DOCK7: variants seen among roughly 807,000 people sequenced by gnomAD.
DOCK7 encodes dedicator of cytokinesis protein 7.
In DOCK7, 138 loss-of-function variants were observed where a neutral mutation model predicts 271.0. The observed-to-expected ratio is 0.51, with a 90% CI of 0.44 to 0.59. The LOEUF is 0.59. DOCK7 is among the 20% of genes least tolerant of loss of function. DOCK7 has a pLI of 0.00. For missense variants in DOCK7, 2,066 were observed against 2,592.4 expected, an observed-to-expected ratio of 0.80 and a Z score of 4.41; for synonymous variants, 823 against 876.1, an observed-to-expected ratio of 0.94 and a Z score of 1.07.
chr1:62,503,087 G>C (rs1646833340), intron 37 of DOCK7, among the ~76,000 whole-genome samples: 1 of 151,962 alleles, frequency 6.6e-6, no homozygotes, highest in South Asian at 2.1e-4. Flanking sequence ...AAATTCCAAA[G>C]GAGAAAAACT....
At chr1:62,463,152 T>C (rs1399185380) in intron 48 of DOCK7, among the ~76,000 whole-genome samples, 2 of 152,076 alleles carry the variant, frequency 1.3e-5, no homozygotes, top group Non-Finnish European at 2.9e-5. Context: ...GATAAAAGAC[T>C]TGAATATGTA....
At position 62,552,860 on chromosome 1, in the gene DOCK7, C is replaced by G; in HGVS notation, c.2638G>C (p.Ala880Pro). 2 of 1,613,470 alleles carry G rather than the reference C, an allele frequency of 1.2e-6. No individual in the cohort carries two copies. Among genetic ancestry groups the G allele is most frequent in the Non-Finnish European group, 1.7e-6 (2 of 1,179,786 alleles). The change falls in exon 22 of 50, where the codon GCT becomes CCT. Residue 880 changes from alanine to proline, a missense_variant. Ala to Pro is a conservative substitution (Grantham distance 27, BLOSUM62 -1). Around this residue, in one of 2 missense-constraint regions of DOCK7, gnomAD observed 1,414 missense variants for 1,670.4 expected, o/e 0.85. Coordinates refer to ENST00000635253, the MANE Select transcript of DOCK7 (RefSeq NM_001367561.1). ...CTTGCAGGTCTCACCGCAGATCTAG[C>G]CATTGTGGCATAATGCACTGATCCT... ...LGGSVHYATM[A>P]RSAVRPASLN...
At chr1:62,653,389 C>T (rs975522713) in intron 4 of DOCK7, among the ~76,000 whole-genome samples, 3 of 152,142 alleles carry the variant, frequency 2.0e-5, no homozygotes, top group African/African-American at 7.2e-5. Context: ...TTTCACTAAA[C>T]TGGATTCTTT....
intron 40 of DOCK7, 81 bp downstream of exon 40, chr1:62,494,194 A>C: frequency 7.7e-7 from 1 of 1,305,504 alleles, no homozygotes; most frequent in Non-Finnish European, 1.0e-6. Flanking sequence ...TTATAAACTA[A>C]AAAAATCTAA....
chr1:62,577,093 C>T (rs1646962827), intron 18 of DOCK7, among the ~76,000 whole-genome samples, 169 bp downstream of exon 18: 1 of 151,974 alleles, frequency 6.6e-6, no homozygotes, highest in South Asian at 2.1e-4. Context: ...AGGATAAAAG[C>T]TTTTAAGTTT....
Position 62,555,889 on chromosome 1 carries a change from A to G in DOCK7, c.2532T>C (p.Leu844=), listed in dbSNP as rs750322469. The G allele has an allele frequency of 4.4e-5, 71 of 1,613,840 alleles. No homozygotes were observed. The highest frequency in any genetic ancestry group is 5.8e-5 in the Non-Finnish European group (69 of 1,179,940). The change falls in exon 21 of 50, where the codon CTT becomes CTC. Residue 844 remains leucine (L), a synonymous_variant. Transcript: ENST00000635253. ...AAACATAATGAATATATGATGCAAG[A>G]AGGCTGTTTCTGCCATGCTGGTCAT... ...GNHDQHGRNS[L]LASYIHYVFR... is the part of the protein sequence containing the mutation.
chr1:62,642,524 G>C (rs999690975), intron 7 of DOCK7, among the ~76,000 whole-genome samples: 6 of 151,786 alleles, frequency 4.0e-5, no homozygotes, highest in Non-Finnish European at 7.4e-5. Context: ...TTTTTTTAAT[G>C]GTTACTCAAG....
In DOCK7 at chr1:62,631,196, A is replaced by G; in HGVS notation, c.1282+44T>C. 3 of 1,516,416 alleles carry G rather than the reference A, an allele frequency of 2.0e-6. No individual in the cohort carries two copies. In the South Asian group the frequency reaches 3.9e-5, roughly 20 times the overall value. The allele number at this position is 1,516,416 out of a possible 1,614,324, so 93.9% of individuals were successfully genotyped here. ...CGAAACTCCATCTCAAAAAAAAAAG[A>G]AAAAAGTAAACATTTAGAAATGTTT... is the stretch of plus-strand genomic sequence containing the variant. On this transcript the variant is annotated intron_variant, in intron 11 of 49. Coordinates refer to ENST00000635253, the MANE Select transcript of DOCK7 (RefSeq NM_001367561.1).
intron 19 of DOCK7, 26 bp from the exon 20 acceptor site, chr1:62,559,246 C>A (rs1303605657): frequency 1.3e-6 from 2 of 1,571,636 alleles, no homozygotes; most frequent in African/African-American, 2.7e-5. Flanking sequence ...AACAAAAGCA[C>A]TAAGCACTTA....
chr1:62,544,919 A>G, intron 23 of DOCK7, 28 bp downstream of exon 23: 2 of 1,515,050 alleles, frequency 1.3e-6, no homozygotes, highest in South Asian at 1.2e-5. Context: ...TCAGCAGCCA[A>G]TAAAGAAACC....
intron 18 of DOCK7, among the ~76,000 whole-genome samples, chr1:62,564,089 C>T (rs1195774458): frequency 2.0e-5 from 3 of 152,012 alleles, no homozygotes; most frequent in Non-Finnish European, 1.5e-5. Context: ...TAGAGACCTA[C>T]AAAGACACTT....
At chr1:62,520,911 T>A (rs1467775351) in intron 31 of DOCK7, among the ~76,000 whole-genome samples, 1 of 152,242 alleles carries the variant, frequency 6.6e-6, no homozygotes, top group South Asian at 2.1e-4. Flanking sequence ...CACCATGGAA[T>A]ACTATGCAGC....
chr1:62,664,369 T>C (rs1659027211), intron 1 of DOCK7, among the ~76,000 whole-genome samples: 1 of 152,166 alleles, frequency 6.6e-6, no homozygotes, highest in Admixed American at 6.5e-5. Context: ...TGAGATCTGA[T>C]GGTTTTATAA....
intron 18 of DOCK7, among the ~76,000 whole-genome samples, chr1:62,562,311 A>G (rs1646352691): frequency 7.0e-6 from 1 of 143,488 alleles, no homozygotes; most frequent in Non-Finnish European, 1.5e-5. Flanking sequence ...AGCTCACTGC[A>G]ATCTCCACCT....
chr1:62,671,584 G>A (rs1660010931), intron 1 of DOCK7, among the ~76,000 whole-genome samples: 1 of 152,150 alleles, frequency 6.6e-6, no homozygotes, highest in Admixed American at 6.5e-5. Context: ...ACCTTTTAGA[G>A]TAAACCAATT....
intron 40 of DOCK7, among the ~76,000 whole-genome samples, chr1:62,493,221 C>T (rs932819675): frequency 6.6e-6 from 1 of 152,096 alleles, no homozygotes; most frequent in Non-Finnish European, 1.5e-5. Context: ...GGTCTCTTGA[C>T]TTATCTAATG....
At chr1:62,537,587 A>G (rs1004802728) in intron 28 of DOCK7, among the ~76,000 whole-genome samples, 1 of 420 alleles carries the variant, frequency 2.4e-3, no homozygotes, top group African/African-American at 3.5e-3. Context: ...CTCTGTCTCA[A>G]AAAAAAAAAA....
At position 62,542,630 on chromosome 1, in the gene DOCK7, G is replaced by A; in HGVS notation, c.3023C>T (p.Ala1008Val). 2.5e-6 allele frequency: 4 copies of A among 1,612,598 alleles called. No homozygotes were observed. Among genetic ancestry groups the A allele is most frequent in the Non-Finnish European group, 3.4e-6 (4 of 1,179,136 alleles). The change falls in exon 25 of 50, where the codon GCC (alanine) becomes GTC (valine). Residue 1008 changes from alanine (A) to valine (V), a missense_variant. By Grantham distance (64) the Ala-to-Val change is moderately conservative. Around this residue, in one of 2 missense-constraint regions of DOCK7, gnomAD observed 1,414 missense variants for 1,670.4 expected, o/e 0.85. Transcript: ENST00000635253. ...CACCATTAATTCAAAAAAGAACCAGGCTTGTTGCAAAGCTGATTCCCGAAC... is the reference window on the plus strand; with the variant it reads ...CACCATTAATTCAAAAAAGAACCAGACTTGTTGCAAAGCTGATTCCCGAAC... ...GSVRESALQQ[A>V]WFFFELMVKS...
chr1:62,509,616 A>G (rs1452444501), intron 34 of DOCK7, among the ~76,000 whole-genome samples: 2 of 152,136 alleles, frequency 1.3e-5, no homozygotes, highest in Non-Finnish European at 2.9e-5. Flanking sequence ...GGACAGACGG[A>G]GAAAAAGAAA....
Sources: gnomAD v4.1 joint callset for allele counts (sites outside exome capture counted in the v4.1 genomes callset) on GRCh38, gnomAD v4.1.1 for gene constraint, gnomAD v4.1.1 regional missense constraint, MANE v1.5 for transcripts, NCBI Gene and HGNC (gene_info 2026-07-23, HGNC 2026-07-21) for gene names.